Variants in NUP214 observed in about 807,000 individuals in gnomAD.
The protein encoded by NUP214 is nuclear pore complex protein Nup214.
A neutral mutation model predicts 196.2 loss-of-function variants in NUP214; 79 were observed. That is an observed-to-expected ratio of 0.40 (90% confidence interval 0.34 to 0.49). NUP214 has a LOEUF of 0.49. Ranked by LOEUF, NUP214 falls within the 20% of genes least tolerant of loss-of-function variation. The probability of loss-of-function intolerance (pLI) is 0.58; values close to 1 mark genes in which losing one functional copy is unlikely to be tolerated. For synonymous variants in NUP214, 1,020 were observed against 990.5 expected (o/e 1.03, Z -0.56); for missense variants, 2,468 against 2,539.0 (o/e 0.97, Z 0.60).
intron 12 of NUP214, among the ~76,000 whole-genome samples, chr9:131,145,681 A>G (rs1278171493): frequency 6.6e-6 from 1 of 152,132 alleles, no homozygotes; most frequent in Non-Finnish European, 1.5e-5. Flanking sequence ...AAGTATCCCA[A>G]AGACAGTTCC....
chr9:131,163,029 C>A lies in NUP214; in HGVS notation c.2579C>A (p.Thr860Asn). The change falls in exon 19 of 36, where the codon ACC becomes AAC. Residue 860 changes from threonine to asparagine, a missense_variant. Coordinates refer to ENST00000359428, the MANE Select transcript of NUP214 (RefSeq NM_005085.4). ...CCAGAGCGAGAGACACTGTTTAACACCCTAGCCAACAATCGGGAAATCATC... is the reference window on the plus strand; with the variant it reads ...CCAGAGCGAGAGACACTGTTTAACAACCTAGCCAACAATCGGGAAATCATC... ...LVPERETLFN[T>N]LANNREIINQ... is the part of the protein sequence containing the mutation. 6.2e-7 allele frequency: 1 copy of A among 1,614,202 alleles called. No homozygotes were observed. Among genetic ancestry groups the A allele is most frequent in the Non-Finnish European group, 8.5e-7 (1 of 1,180,036 alleles).
chr9:131,229,698 G>T (rs1834820726), intron 33 of NUP214: 1 of 518,722 alleles, frequency 1.9e-6, no homozygotes, highest in Non-Finnish European at 3.8e-6. Flanking sequence ...ACCCTGAAGG[G>T]CAGGCTGTTG....
rs140412899 is a variant in NUP214 at position 131,175,568 on chromosome 9, C to G, written c.3266C>G (p.Pro1089Arg). The change falls in exon 23 of 36, where the codon CCG (proline) becomes CGG (arginine). Residue 1089 changes from proline to arginine, a missense_variant. Transcript: ENST00000359428. ...AGTCCTTCCCACCCCATCTCAGCCC[C>G]GCAGGCAGCTGCCGCAGCAGCACTC... is the stretch of plus-strand genomic sequence containing the variant. ...APSPSHPISA[P>R]QAAAAAALRR... 3.1e-4 allele frequency: 508 copies of G among 1,614,196 alleles called. No homozygotes were observed. The highest frequency in any genetic ancestry group is 3.8e-4 in the Non-Finnish European group (447 of 1,180,040).
intron 30 of NUP214, among the ~76,000 whole-genome samples, chr9:131,210,275 G>A (rs1306426112): frequency 6.6e-6 from 1 of 152,142 alleles, no homozygotes; most frequent in Non-Finnish European, 1.5e-5. Flanking sequence ...AGGGCTTATG[G>A]GAAAATAGTT....
chr9:131,170,657 C>T (rs920743558), intron 21 of NUP214, among the ~76,000 whole-genome samples: 1 of 151,934 alleles, frequency 6.6e-6, no homozygotes, highest in Admixed American at 6.6e-5. Context: ...TGTGTATTTA[C>T]TTACAGCCAA....
At chr9:131,140,933 A>G (rs1831892862) in intron 11 of NUP214, among the ~76,000 whole-genome samples, 1 of 152,198 alleles carries the variant, frequency 6.6e-6, no homozygotes, top group Non-Finnish European at 1.5e-5. Flanking sequence ...TCGGAGATGA[A>G]GGAAGGTCAA....
At chr9:131,171,226 G>T (rs938987346) in intron 21 of NUP214, among the ~76,000 whole-genome samples, 24 of 152,186 alleles carry the variant, frequency 1.6e-4, no homozygotes, top group Admixed American at 1.2e-3. Flanking sequence ...AGTTGATGGG[G>T]TTCCTCCACC....
intron 24 of NUP214, among the ~76,000 whole-genome samples, chr9:131,182,921 C>T (rs1434631994): frequency 1.3e-5 from 2 of 152,150 alleles, no homozygotes; most frequent in Admixed American, 1.3e-4. Flanking sequence ...ACATCTTCAA[C>T]TTATCACAGA....
Position 131,150,629 on chromosome 9 carries a change from A to G in NUP214, c.2141A>G (p.Gln714Arg), listed in dbSNP as rs781089983. The G allele has an allele frequency of 2.5e-6, 4 of 1,612,556 alleles. No individual in the cohort carries two copies. Among genetic ancestry groups the G allele is most frequent in the South Asian group, 1.1e-5 (1 of 90,842 alleles). ...TGGCTTCTACAGATTGCACACTTTC[A>G]GAAGGAGTTGGAAGAGTTAAAAGCC... ...AGIGEEIAHF[Q>R]KELEELKART... Residue 714 changes from glutamine (Q) to arginine (R), a missense_variant, in exon 16 of 36, where the codon CAG (glutamine) becomes CGG (arginine). Gln to Arg is a conservative substitution (Grantham distance 43). Around this residue, in one of 5 missense-constraint regions of NUP214, gnomAD observed 1,801 missense variants for 1,779.4 expected, o/e 1.01. Coordinates refer to ENST00000359428, the MANE Select transcript of NUP214 (RefSeq NM_005085.4).
At chr9:131,227,985 C>CGGG (rs369758441) in intron 32 of NUP214, among the ~76,000 whole-genome samples, 175 bp from the exon 33 acceptor site, 267 of 13,310 alleles carry the variant, frequency 0.02, no homozygotes, top group African/African-American at 0.036. Flanking sequence ...GATAGAAGGG[C>CGGG]GGGGGGGAGG....
chr9:131,152,752 T>C (rs1052283450), intron 17 of NUP214, among the ~76,000 whole-genome samples: 3 of 152,254 alleles, frequency 2.0e-5, no homozygotes, highest in African/African-American at 7.2e-5. Context: ...AGCTCTTTTC[T>C]GTATGCTACA....
chr9:131,155,547 C>T (rs1303080921), intron 17 of NUP214, among the ~76,000 whole-genome samples: 1 of 152,184 alleles, frequency 6.6e-6, no homozygotes, highest in Non-Finnish European at 1.5e-5. Context: ...TCATGAACTC[C>T]TTGCCTAAGT....
chr9:131,183,242 A>G (rs1181475682), intron 24 of NUP214, among the ~76,000 whole-genome samples: 1 of 152,056 alleles, frequency 6.6e-6, no homozygotes, highest in African/African-American at 2.4e-5. Context: ...CCACCATCAC[A>G]CCTGGCTAAT....
chr9:131,202,994 G>A (rs569904435), intron 30 of NUP214, among the ~76,000 whole-genome samples: 12 of 150,922 alleles, frequency 8.0e-5, no homozygotes, highest in African/African-American at 2.2e-4. Flanking sequence ...TGCCCAGGCC[G>A]GACTGCAGTG....
At chr9:131,229,778 T>A (rs755742721) in intron 33 of NUP214, 2 of 518,720 alleles carry the variant, frequency 3.9e-6, no homozygotes, top group Non-Finnish European at 7.7e-6. Flanking sequence ...TGAGAGCAGA[T>A]CCCTTGGCCA....
intron 28 of NUP214, among the ~76,000 whole-genome samples, chr9:131,196,468 T>C (rs1833794311): frequency 6.6e-6 from 1 of 152,194 alleles, no homozygotes; most frequent in Non-Finnish European, 1.5e-5. Flanking sequence ...GCCTCGTTAC[T>C]CTTGTATTTA....
chr9:131,171,657 C>G (rs1348113939), intron 21 of NUP214, among the ~76,000 whole-genome samples: 1 of 150,386 alleles, frequency 6.6e-6, no homozygotes, highest in Non-Finnish European at 1.5e-5. Context: ...CACCCATTAA[C>G]TTTTCATTTA....
chr9:131,230,445 C>T, intron 33 of NUP214, 185 bp from the exon 34 acceptor site: 1 of 617,996 alleles, frequency 1.6e-6, no homozygotes, highest in Non-Finnish European at 2.8e-6. Flanking sequence ...CTTCCTAGAG[C>T]AGAGATAAAA....
intron 21 of NUP214, chr9:131,166,987 C>T (rs1832803271): frequency 6.6e-6 from 1 of 152,036 alleles, no homozygotes; most frequent in Admixed American, 6.6e-5. Flanking sequence ...CTCTTACACA[C>T]CATAATACAG....
Sources: allele counts gnomAD v4.1 joint callset (sites outside exome capture counted in the v4.1 genomes callset), GRCh38; gene constraint gnomAD v4.1.1; regional missense constraint gnomAD v4.1.1; transcripts MANE v1.5; gene names NCBI Gene and HGNC (gene_info 2026-07-23, HGNC 2026-07-21).